The following GMDS variants were observed in gnomAD, a reference collection of about 807,000 sequenced individuals.
GMDS encodes GDP-mannose 4,6-dehydratase.
Under a neutral mutation model 49.9 loss-of-function variants are expected in GMDS, and 20 were observed. The ratio of observed to expected loss-of-function variants is 0.40; its 90% CI spans 0.28 to 0.58. The LOEUF is 0.58. Ranked by LOEUF, GMDS falls within the 20% of genes least tolerant of loss-of-function variation. GMDS has a pLI of 0.42. For synonymous variants in GMDS, 177 were observed against 178.6 expected, an observed-to-expected ratio of 0.99 and a Z score of 0.07; for missense variants, 362 against 481.4, an observed-to-expected ratio of 0.75 and a Z score of 2.32.
chr6:2,049,349 T>C (rs1331938085), intron 4 of GMDS, among the ~76,000 whole-genome samples: 1 of 152,220 alleles, frequency 6.6e-6, no homozygotes, highest in African/African-American at 2.4e-5. Context: ...GTATTGGGTA[T>C]GTCCTCCATT....
At chr6:1,654,518 C>A (rs1440726909) in intron 9 of GMDS, among the ~76,000 whole-genome samples, 1 of 152,174 alleles carries the variant, frequency 6.6e-6, no homozygotes, top group Non-Finnish European at 1.5e-5. Context: ...TATGAAAAGA[C>A]AAATACTCCA....
At chr6:2,181,881 C>A (rs1778554865) in intron 1 of GMDS, among the ~76,000 whole-genome samples, 1 of 152,174 alleles carries the variant, frequency 6.6e-6, no homozygotes, top group African/African-American at 2.4e-5. Context: ...AAGGAACAGT[C>A]ACACATCTCT....
chr6:1,865,717 C>A (rs531364814), intron 7 of GMDS, among the ~76,000 whole-genome samples: 1 of 152,200 alleles, frequency 6.6e-6, no homozygotes, highest in Non-Finnish European at 1.5e-5. Context: ...TGAACCTGGG[C>A]TCCACCAGTC....
intron 7 of GMDS, among the ~76,000 whole-genome samples, chr6:1,821,380 C>T (rs976251928): frequency 1.0e-4 from 15 of 147,944 alleles, no homozygotes; most frequent in Non-Finnish European, 1.6e-4. Flanking sequence ...TGGGTGGGGA[C>T]GGGGGGCAGC....
At chr6:1,819,760 CAAAA>C (rs1197523577) in intron 7 of GMDS, among the ~76,000 whole-genome samples, 5,333 of 111,222 alleles carry the variant, frequency 0.048, 116 homozygotes, top group Middle Eastern at 0.13. Flanking sequence ...GACTCTGCCT[CAAAA>C]AAAAAAAAAA....
intron 7 of GMDS, among the ~76,000 whole-genome samples, chr6:1,757,234 A>G (rs1027298225): frequency 1.3e-5 from 2 of 152,188 alleles, no homozygotes; most frequent in African/African-American, 4.8e-5. Flanking sequence ...CACCTGGGAT[A>G]TGGGAGCTCA....
chr6:1,948,584 G>C (rs1763195735), intron 6 of GMDS, among the ~76,000 whole-genome samples: 1 of 152,104 alleles, frequency 6.6e-6, no homozygotes, highest in Non-Finnish European at 1.5e-5. Context: ...TCGAGCCCAG[G>C]AGTCCGAGGC....
At chr6:2,181,322 G>A (rs567035989) in intron 1 of GMDS, among the ~76,000 whole-genome samples, 1 of 152,006 alleles carries the variant, frequency 6.6e-6, no homozygotes, top group African/African-American at 2.4e-5. Flanking sequence ...GTCTCTGCTC[G>A]ACAGATGGCA....
intron 9 of GMDS, among the ~76,000 whole-genome samples, chr6:1,716,945 T>C (rs1475089499): frequency 6.6e-6 from 1 of 152,214 alleles, no homozygotes; most frequent in East Asian, 1.9e-4. Flanking sequence ...GTGTGTACAT[T>C]ATGCAATTTT....
At chr6:1,707,295 G>A (rs1176496572) in intron 9 of GMDS, among the ~76,000 whole-genome samples, 3 of 152,344 alleles carry the variant, frequency 2.0e-5, no homozygotes, top group African/African-American at 7.2e-5. Flanking sequence ...AGGTCAAAAT[G>A]TGAGCTGAAA....
At chr6:2,023,617 G>A (rs1768405069) in intron 4 of GMDS, among the ~76,000 whole-genome samples, 1 of 152,148 alleles carries the variant, frequency 6.6e-6, no homozygotes, top group Admixed American at 6.5e-5. Context: ...TGTTCAAAGA[G>A]GTACAAGAAG....
At chr6:2,038,264 C>A (rs954950665) in intron 4 of GMDS, among the ~76,000 whole-genome samples, 3 of 152,174 alleles carry the variant, frequency 2.0e-5, no homozygotes, top group East Asian at 1.9e-4. Context: ...TGACAGACTG[C>A]GAACTGGGAC....
chr6:2,115,945 T>C, intron 3 of GMDS, 65 bp from the exon 4 acceptor site: 1 of 946,500 alleles, frequency 1.1e-6, no homozygotes, highest in Non-Finnish European at 1.7e-6. Context: ...TTTAAAAACA[T>C]CAAAATTGAA....
intron 7 of GMDS, among the ~76,000 whole-genome samples, chr6:1,883,254 G>C (rs1377867758): frequency 6.6e-6 from 1 of 152,194 alleles, no homozygotes; most frequent in Admixed American, 6.5e-5. Flanking sequence ...AGCTGGGTGT[G>C]GTGAGGCACG....
intron 7 of GMDS, among the ~76,000 whole-genome samples, chr6:1,857,996 G>A (rs987058559): frequency 2.0e-5 from 3 of 152,110 alleles, no homozygotes; most frequent in East Asian, 1.9e-4. Flanking sequence ...AGAGGAAAGC[G>A]CATATATTTA....
chr6:1,819,488 C>T (rs546414088), intron 7 of GMDS, among the ~76,000 whole-genome samples: 206 of 152,096 alleles, frequency 1.4e-3, no homozygotes, highest in African/African-American at 4.7e-3. Flanking sequence ...GGCCTGGGTG[C>T]GGTGGCTCCT....
chr6:1,808,586 T>C (rs1230674101), intron 7 of GMDS, among the ~76,000 whole-genome samples: 1 of 152,220 alleles, frequency 6.6e-6, no homozygotes, highest in African/African-American at 2.4e-5. Context: ...TCATACAGTT[T>C]AGTACAGAAC....
intron 9 of GMDS, among the ~76,000 whole-genome samples, chr6:1,633,511 G>A (rs531089505): frequency 6.6e-6 from 1 of 152,284 alleles, no homozygotes; most frequent in African/African-American, 2.4e-5. Flanking sequence ...GGAGTGCGAG[G>A]GAGCGACTGC....
At chr6:1,733,276 G>A (rs747308182) in intron 8 of GMDS, among the ~76,000 whole-genome samples, 23 of 152,208 alleles carry the variant, frequency 1.5e-4, no homozygotes, top group Non-Finnish European at 2.9e-4. Context: ...GGAGGAGGGC[G>A]GTCAGCACTG....
Sources: allele counts gnomAD v4.1 joint callset (sites outside exome capture counted in the v4.1 genomes callset), GRCh38; gene constraint gnomAD v4.1.1; transcripts MANE v1.5; gene names NCBI Gene and HGNC (gene_info 2026-07-23, HGNC 2026-07-21).